OMA1: variants seen among roughly 807,000 people sequenced by gnomAD.
OMA1 encodes the protein metalloendopeptidase OMA1, mitochondrial.
A neutral mutation model predicts 30.9 loss-of-function variants in OMA1; 38 were observed. The observed-to-expected ratio is 1.23, with a 90% CI of 0.95 to 1.61. The LOEUF (loss-of-function observed/expected upper bound fraction) is 1.61. OMA1 is among the 40% of genes most tolerant of loss of function. The probability of loss-of-function intolerance (pLI) is 0.00; values close to 1 mark genes in which losing one functional copy is unlikely to be tolerated. For synonymous variants in OMA1, 173 were observed against 121.9 expected, an observed-to-expected ratio of 1.42 and a Z score of -2.76; for missense variants, 461 against 349.2, an observed-to-expected ratio of 1.32 and a Z score of -2.55.
intron 1 of OMA1, among the ~76,000 whole-genome samples, chr1:58,543,116 T>C (rs1007999268): frequency 3.3e-5 from 5 of 152,174 alleles, no homozygotes; most frequent in African/African-American, 4.8e-5. Flanking sequence ...CATGAAACCA[T>C]TGTACTTCCT....
At chr1:58,518,354 G>GAGGA (rs1428140129) in intron 7 of OMA1, among the ~76,000 whole-genome samples, 4 of 32,434 alleles carry the variant, frequency 1.2e-4, no homozygotes, top group Non-Finnish European at 3.1e-4. Context: ...AGAAGAGAAG[G>GAGGA]GAAGGGAAGA....
Position 58,494,908 on chromosome 1 carries a change from C to T in OMA1, c.1365+11152G>A, listed in dbSNP as rs1308878139. Among the ~76,000 whole-genome samples the T allele has an allele frequency of 4.6e-5, 7 of 152,280 alleles. No homozygotes were observed. The East Asian group carries it at 1.2e-3, about 25-fold the overall frequency. ...TAGAAATACCATTTGACCCAGCCATCGCATTACTGGGTATATACCTAAAGG... is the reference window on the plus strand; with the variant it reads ...TAGAAATACCATTTGACCCAGCCATTGCATTACTGGGTATATACCTAAAGG... On this transcript the variant is annotated intron_variant, in intron 8 of 8. Transcript: ENST00000371226.
intron 6 of OMA1, among the ~76,000 whole-genome samples, chr1:58,529,639 G>C (rs1192363039): frequency 1.3e-5 from 2 of 152,194 alleles, no homozygotes; most frequent in Non-Finnish European, 2.9e-5. Context: ...GGTTTTAACA[G>C]TGCCGCATTA....
At chr1:58,509,632 CAGA>C (rs1557446540) in intron 7 of OMA1, among the ~76,000 whole-genome samples, 2 of 134,122 alleles carry the variant, frequency 1.5e-5, no homozygotes, top group South Asian at 2.4e-4. Context: ...CCAAAGTTTA[CAGA>C]AGGAGGGAAA....
chr1:58,534,393 A>G, intron 3 of OMA1, 62 bp from the exon 4 acceptor site: 1 of 716,012 alleles, frequency 1.4e-6, no homozygotes, highest in Non-Finnish European at 2.4e-6. Flanking sequence ...ACTCTGCTTC[A>G]TGGAAAGTTA....
At chr1:58,509,302 C>T (rs1480622727) in intron 7 of OMA1, among the ~76,000 whole-genome samples, 3 of 151,184 alleles carry the variant, frequency 2.0e-5, no homozygotes, top group Admixed American at 6.6e-5. Flanking sequence ...GAACAATGTA[C>T]GAACAAAGTG....
chr1:58,510,019 C>T (rs1305483098), intron 7 of OMA1, among the ~76,000 whole-genome samples: 1 of 151,966 alleles, frequency 6.6e-6, no homozygotes, highest in Non-Finnish European at 1.5e-5. Context: ...AAGAAAAGCC[C>T]AGAACCAGAT....
chr1:58,530,570 T>C (rs1646419821), intron 6 of OMA1, 31 bp downstream of exon 6: 1 of 858,642 alleles, frequency 1.2e-6, no homozygotes, highest in Non-Finnish European at 2.0e-6. Flanking sequence ...CCAGAGGCTA[T>C]GATCAATTCA....
intron 1 of OMA1, among the ~76,000 whole-genome samples, chr1:58,540,581 C>G (rs1646590806): frequency 6.7e-6 from 1 of 148,988 alleles, no homozygotes; most frequent in Non-Finnish European, 1.5e-5. Flanking sequence ...GACAAGAAAA[C>G]TGTAAGAACT....
intron 3 of OMA1, among the ~76,000 whole-genome samples, chr1:58,535,197 T>TA (rs1646496848): frequency 6.6e-6 from 1 of 152,222 alleles, no homozygotes. Context: ...CCACAGAAGA[T>TA]ACTTTTTCTG....
chr1:58,497,599 G>C (rs1037534588), intron 8 of OMA1, among the ~76,000 whole-genome samples: 12 of 142,092 alleles, frequency 8.4e-5, no homozygotes, highest in African/African-American at 3.3e-4. Flanking sequence ...AGACATAGGG[G>C]AAGTTCTGAA....
At chr1:58,530,397 T>C (rs1274878236) in intron 6 of OMA1, among the ~76,000 whole-genome samples, 5 of 152,148 alleles carry the variant, frequency 3.3e-5, no homozygotes, top group Admixed American at 3.3e-4. Flanking sequence ...TCCATACCCA[T>C]CATTTGAGAG....
intron 1 of OMA1, among the ~76,000 whole-genome samples, chr1:58,546,387 C>T (rs1214752831): frequency 6.6e-6 from 1 of 152,170 alleles, no homozygotes; most frequent in Non-Finnish European, 1.5e-5. Context: ...GCAGGCGGCC[C>T]ACGAAAGTAC....
At chr1:58,542,216 T>C (rs917177588) in intron 1 of OMA1, among the ~76,000 whole-genome samples, 1 of 152,248 alleles carries the variant, frequency 6.6e-6, no homozygotes, top group Non-Finnish European at 1.5e-5. Flanking sequence ...GGCTGATATA[T>C]AATAGTTTGA....
chr1:58,489,698 G>A (rs1173960447), intron 8 of OMA1, among the ~76,000 whole-genome samples: 1 of 152,148 alleles, frequency 6.6e-6, no homozygotes, highest in African/African-American at 2.4e-5. Context: ...CCCCCAGTAG[G>A]GGCAGACTGA....
intron 8 of OMA1, among the ~76,000 whole-genome samples, chr1:58,495,403 AAAACTT>A (rs1360991620): frequency 6.6e-6 from 1 of 152,160 alleles, no homozygotes; most frequent in Non-Finnish European, 1.5e-5. Context: ...CATGTACCCT[AAAACTT>A]AAAGTATAAT....
At chr1:58,517,378 T>C (rs1408116323) in intron 7 of OMA1, among the ~76,000 whole-genome samples, 1 of 152,244 alleles carries the variant, frequency 6.6e-6, no homozygotes, top group Non-Finnish European at 1.5e-5. Flanking sequence ...AATAAGCCAT[T>C]GTTTCTCTTG....
intron 1 of OMA1, among the ~76,000 whole-genome samples, chr1:58,545,645 C>T (rs1250168679): frequency 6.6e-6 from 1 of 152,186 alleles, no homozygotes; most frequent in Non-Finnish European, 1.5e-5. Flanking sequence ...CCTCTACGAA[C>T]ATTTCAGATC....
rs1417156028 is a variant in OMA1 at position 58,518,282 on chromosome 1, A to G, written c.1215+8979T>C. Among the ~76,000 whole-genome samples, 23 of 6,538 alleles carry G rather than the reference A, an allele frequency of 3.5e-3. 2 individuals are homozygous for G. The highest frequency in any genetic ancestry group is 5.7e-3 in the East Asian group (1 of 174). 4.3% of individuals were successfully genotyped at this position (6,538 alleles called of 152,430 possible). A position where few individuals can be genotyped will look rare whatever the true frequency, so the allele number is the denominator to read the frequency against. ...AGGGGAGAGGAGAGAGGAGAGGAGA[A>G]GAGAAGAGAAGAGAAGAGAAGAGAA... On this transcript the variant is annotated intron_variant, in intron 7 of 8. Coordinates refer to ENST00000371226, the MANE Select transcript of OMA1 (RefSeq NM_145243.5).
Sources: gnomAD v4.1 joint callset for allele counts (sites outside exome capture counted in the v4.1 genomes callset) on GRCh38, gnomAD v4.1.1 for gene constraint, MANE v1.5 for transcripts, NCBI Gene and HGNC (gene_info 2026-07-23, HGNC 2026-07-21) for gene names.